IGF2R: variants seen among roughly 807,000 people sequenced by gnomAD.
IGF2R encodes cation-independent mannose-6-phosphate receptor.
A neutral mutation model predicts 270.6 loss-of-function variants in IGF2R; 91 were observed. The ratio of observed to expected loss-of-function variants is 0.34; its 90% CI spans 0.28 to 0.40. The LOEUF (loss-of-function observed/expected upper bound fraction) is 0.40, where lower values mean the gene tolerates loss of function less well. Among genes scored for constraint, IGF2R ranks in the 10% least tolerant of loss-of-function variants. The pLI, the probability that IGF2R is intolerant of heterozygous loss-of-function variation, is 1.00. For synonymous variants in IGF2R, 1,316 were observed against 1,258.9 expected, an observed-to-expected ratio of 1.05 and a Z score of -0.96; for missense variants, 2,805 against 3,188.3, an observed-to-expected ratio of 0.88 and a Z score of 2.90.
intron 2 of IGF2R, among the ~76,000 whole-genome samples, chr6:160,008,159 C>T (rs1292305634): frequency 6.6e-6 from 1 of 152,186 alleles, no homozygotes; most frequent in African/African-American, 2.4e-5. Context: ...CTGTATGTGG[C>T]CCATGGGCCA....
intron 2 of IGF2R, among the ~76,000 whole-genome samples, chr6:159,996,170 C>T (rs1784050560): frequency 1.3e-5 from 2 of 152,150 alleles, no homozygotes; most frequent in African/African-American, 4.8e-5. Flanking sequence ...GGTGTGTGAG[C>T]AGGATCCTCA....
intron 44 of IGF2R, among the ~76,000 whole-genome samples, chr6:160,090,894 G>T (rs1328130729): frequency 3.3e-5 from 5 of 149,424 alleles, no homozygotes; most frequent in Admixed American, 6.6e-5. Flanking sequence ...GTGCCCTGGT[G>T]CTGAGCTCAT....
intron 4 of IGF2R, among the ~76,000 whole-genome samples, chr6:160,023,460 G>A (rs1777481591): frequency 1.3e-5 from 2 of 152,152 alleles, no homozygotes; most frequent in African/African-American, 4.8e-5. Flanking sequence ...GTGTATCCAA[G>A]TGATGATGAT....
At chr6:160,076,974 A>T (rs181064979) in intron 36 of IGF2R, among the ~76,000 whole-genome samples, 35 of 152,214 alleles carry the variant, frequency 2.3e-4, no homozygotes, top group African/African-American at 7.7e-4. Flanking sequence ...CATCCTTCTG[A>T]TGTTTGGGCC....
At position 160,091,981 on chromosome 6, in the gene IGF2R, CT is replaced by C. The variant is rs550279696; in HGVS notation, c.6655+1879del. 2.8e-4 allele frequency among the ~76,000 whole-genome samples: 42 copies of C among 152,378 alleles called. No individual in the cohort carries two copies. In the South Asian group the frequency reaches 8.5e-3, roughly 31 times the overall value. ...CTGTAACCTGGTGGGTTTACATATG[CT>C]GCTCTTGGTGCTGGAATGCCTTGGC... On this transcript the variant is annotated intron_variant, in intron 44 of 47. Coordinates refer to ENST00000356956, the MANE Select transcript of IGF2R (RefSeq NM_000876.4).
At chr6:160,072,919 C>G (rs1012869570) in intron 33 of IGF2R, 35 bp downstream of exon 33, 5 of 1,583,470 alleles carry the variant, frequency 3.2e-6, no homozygotes, top group Non-Finnish European at 4.3e-6. Context: ...TTGTCTGACT[C>G]TCCCGTCCTC....
intron 1 of IGF2R, among the ~76,000 whole-genome samples, chr6:159,977,705 T>G (rs1421015441): frequency 6.6e-6 from 1 of 152,238 alleles, no homozygotes; most frequent in African/African-American, 2.4e-5. Context: ...GAAGTCACTT[T>G]CCTGGGCTTG....
chr6:160,096,701 C>A, intron 45 of IGF2R, 76 bp downstream of exon 45: 1 of 1,215,928 alleles, frequency 8.2e-7, no homozygotes, highest in South Asian at 1.6e-5. Flanking sequence ...GTGTTTTTTC[C>A]CCAATGTTTT....
At position 160,064,914 on chromosome 6, in the gene IGF2R, A is replaced by T. The variant is rs774869281; in HGVS notation, c.4115+13A>T. The T allele has an allele frequency of 7.1e-6, 11 of 1,557,758 alleles. No individual in the cohort carries two copies. Among genetic ancestry groups the T allele is most frequent in the Non-Finnish European group, 5.3e-6 (6 of 1,128,602 alleles). ...AATGTTCATTCAAGTAAGTCCATGG[A>T]TGTGTTGTCTCTTTTGGACAGACTA... On this transcript the variant is annotated intron_variant, in intron 29 of 47. Coordinates refer to ENST00000356956, the MANE Select transcript of IGF2R (RefSeq NM_000876.4).
chr6:160,061,334 G>A (rs1202142737), intron 23 of IGF2R, among the ~76,000 whole-genome samples, 169 bp from the exon 24 acceptor site: 1 of 152,240 alleles, frequency 6.6e-6, no homozygotes, highest in Non-Finnish European at 1.5e-5. Context: ...GAGGGACAGA[G>A]TGGGTGTGTT....
At position 160,027,129 on chromosome 6, in the gene IGF2R, C is replaced by T. The variant is rs555283839; in HGVS notation, c.647-56C>T. 26 of 1,588,898 alleles carry T rather than the reference C, an allele frequency of 1.6e-5. No homozygotes were observed. The Admixed American group carries it at 1.8e-4, about 11-fold the overall frequency. ...TAAAGGGACCCTGGGTCTAAGGGTACGTGTGATTATCACTCCTAACACCTA... is the reference window on the plus strand; with the variant it reads ...TAAAGGGACCCTGGGTCTAAGGGTATGTGTGATTATCACTCCTAACACCTA... On this transcript the variant is annotated intron_variant, in intron 5 of 47. Transcript: ENST00000356956.
chr6:160,087,175 A>G (rs1166532722), intron 41 of IGF2R, among the ~76,000 whole-genome samples: 1 of 152,180 alleles, frequency 6.6e-6, no homozygotes, highest in Non-Finnish European at 1.5e-5. Flanking sequence ...GCTCGACTGA[A>G]AGCTAGAAGA....
chr6:160,002,767 T>C (rs753184291), intron 2 of IGF2R, among the ~76,000 whole-genome samples: 1 of 152,244 alleles, frequency 6.6e-6, no homozygotes, highest in Admixed American at 6.5e-5. Flanking sequence ...TCTAAAATTC[T>C]CTTAAATGTT....
rs536355415 is a variant in IGF2R at position 160,055,617 on chromosome 6, C to T, written c.2695-807C>T. On this transcript the variant is annotated intron_variant, in intron 19 of 47. Transcript: ENST00000356956. ...GCTTTCAAGGGTAGAGAGCCCTTGA[C>T]GGCCAAGGGTGTGGACTCAGTGTTA... Among the ~76,000 whole-genome samples the T allele has an allele frequency of 3.3e-5, 5 of 152,236 alleles. No individual in the cohort carries two copies. In the South Asian group the frequency reaches 6.2e-4, roughly 19 times the overall value.
rs147208974 is a variant in IGF2R, at chr6:160,020,642, A to G, written c.514-3930A>G. ...ATAGAAAACCCAGAGTCAAAGCTGC[A>G]TACTTACAACCAACTGATCTTTGAC... On this transcript the variant is annotated intron_variant, in intron 4 of 47. Transcript: ENST00000356956. 1.6e-4 allele frequency among the ~76,000 whole-genome samples: 25 copies of G among 152,364 alleles called. No homozygotes were observed. In the East Asian group the frequency reaches 4.6e-3, roughly 28 times the overall value.
intron 4 of IGF2R, among the ~76,000 whole-genome samples, chr6:160,021,900 G>T (rs1044812363): frequency 2.0e-5 from 3 of 152,122 alleles, no homozygotes; most frequent in Non-Finnish European, 4.4e-5. Flanking sequence ...CAAAGTAAAA[G>T]AAATCTGTCT....
intron 10 of IGF2R, among the ~76,000 whole-genome samples, chr6:160,036,329 C>T (rs1235756376): frequency 6.6e-6 from 1 of 152,106 alleles, no homozygotes; most frequent in Non-Finnish European, 1.5e-5. Flanking sequence ...ATGTCTGCAC[C>T]CTGAATCACG....
intron 4 of IGF2R, among the ~76,000 whole-genome samples, chr6:160,021,574 C>A (rs1777436050): frequency 6.6e-6 from 1 of 150,398 alleles, no homozygotes; most frequent in Non-Finnish European, 1.5e-5. Context: ...GCACATGTAC[C>A]CTAAAACTTA....
At position 160,044,387 on chromosome 6, in the gene IGF2R, A is replaced by G. The variant is rs8191787; in HGVS notation, c.1622-127A>G. 2,465 of 856,740 alleles carry G rather than the reference A, an allele frequency of 2.9e-3. 40 individuals are homozygous for G. In the African/African-American group the frequency reaches 0.036, roughly 13 times the overall value. The allele number at this position is 856,740 out of a possible 1,614,324, so 53.1% of individuals were successfully genotyped here. ...GTTCAGGGGGCTGGAGAAGGGCTGC[A>G]CGTGCTGGGTTTGGGCTGATTTCTT... On this transcript the variant is annotated intron_variant, in intron 12 of 47. Transcript: ENST00000356956.
Sources: allele counts gnomAD v4.1 joint callset (sites outside exome capture counted in the v4.1 genomes callset), GRCh38; gene constraint gnomAD v4.1.1; transcripts MANE v1.5; gene names NCBI Gene and HGNC (gene_info 2026-07-23, HGNC 2026-07-21).